The following COG7 variants were observed in gnomAD, a reference collection of about 807,000 sequenced individuals.
COG7 encodes the protein component of oligomeric golgi complex 7.
COG7 carries 49 observed loss-of-function variants against 91.5 expected under a neutral mutation model. That is an observed-to-expected ratio of 0.54 (90% CI 0.43 to 0.68). COG7 has a LOEUF of 0.68. Ranked by LOEUF, COG7 falls within the 30% of genes least tolerant of loss-of-function variation. COG7 has a pLI of 0.00. For missense variants in COG7, 895 were observed against 961.3 expected, an observed-to-expected ratio of 0.93 and a Z score of 0.91; for synonymous variants, 365 against 388.7, an observed-to-expected ratio of 0.94 and a Z score of 0.72.
At chr16:23,440,280 G>C (rs779284360) in intron 4 of COG7, among the ~76,000 whole-genome samples, 14 of 151,270 alleles carry the variant, frequency 9.3e-5, no homozygotes, top group Non-Finnish European at 1.6e-4. Flanking sequence ...ATCCCAGCTA[G>C]TTGGGAGGTA....
chr16:23,428,629 T>C (rs1398956195), intron 6 of COG7, among the ~76,000 whole-genome samples: 1 of 151,486 alleles, frequency 6.6e-6, no homozygotes, highest in Non-Finnish European at 1.5e-5. Flanking sequence ...CAACCAGAAC[T>C]CTCACACACT....
intron 1 of COG7, among the ~76,000 whole-genome samples, chr16:23,448,300 A>G (rs1032802439): frequency 6.6e-6 from 1 of 152,118 alleles, no homozygotes. Flanking sequence ...TTCCCCTACA[A>G]AAGTGTGATT....
intron 10 of COG7, among the ~76,000 whole-genome samples, chr16:23,411,714 GTCTGGGTCTGC>G (rs1326318247): frequency 6.6e-6 from 1 of 152,172 alleles, no homozygotes; most frequent in Non-Finnish European, 1.5e-5. Context: ...CCTTGGGTGG[GTCTGGGTCTGC>G]TCTGGCATGG....
chr16:23,426,907 A>G (rs943193928), intron 6 of COG7, among the ~76,000 whole-genome samples: 12 of 152,110 alleles, frequency 7.9e-5, no homozygotes, highest in Non-Finnish European at 1.5e-4. Flanking sequence ...CACAGATGAC[A>G]TTATTTTATG....
intron 4 of COG7, among the ~76,000 whole-genome samples, chr16:23,438,882 G>A (rs534297366): frequency 1.3e-5 from 2 of 152,170 alleles, no homozygotes; most frequent in African/African-American, 4.8e-5. Flanking sequence ...ATATGGCCGG[G>A]TGTGGTGGCT....
chr16:23,426,837 AGAAAGAAAG>A (rs1446998543), intron 6 of COG7, among the ~76,000 whole-genome samples: 4 of 138,190 alleles, frequency 2.9e-5, no homozygotes, highest in South Asian at 4.6e-4. Flanking sequence ...AAAAAAAAAA[AGAAAGAAAG>A]AAAGAAAGAA....
Position 23,388,745 on chromosome 16 carries a change from C to T in COG7, c.*175G>A. The T allele has an allele frequency of 8.8e-7, 1 of 1,132,938 alleles. No individual in the cohort carries two copies. Among genetic ancestry groups the T allele is most frequent in the Non-Finnish European group, 1.2e-6 (1 of 838,490 alleles). The allele number at this position is 1,132,938 out of a possible 1,614,324, so 70.2% of individuals were successfully genotyped here. A position where few individuals can be genotyped will look rare whatever the true frequency, so the allele number is the denominator to read the frequency against. On this transcript the variant is annotated 3_prime_UTR_variant, in exon 17 of 17. Transcript: ENST00000307149. ...TCGAACTCCTGGCTTCATGATCCAT[C>T]TGGCTTGGCCTCCCAAAGTGCTGGG...
intron 1 of COG7, among the ~76,000 whole-genome samples, chr16:23,448,221 C>T (rs899235814): frequency 2.6e-5 from 4 of 152,156 alleles, no homozygotes; most frequent in Non-Finnish European, 5.9e-5. Flanking sequence ...GCCAAACTCC[C>T]AAGGCTGGCC....
chr16:23,422,115 G>A (rs1442017139), intron 7 of COG7, among the ~76,000 whole-genome samples: 1 of 152,018 alleles, frequency 6.6e-6, no homozygotes, highest in African/African-American at 2.4e-5. Flanking sequence ...TTTGAGATCA[G>A]CCTGAGCAAA....
At chr16:23,392,318 G>A in intron 16 of COG7, 62 bp downstream of exon 16, 1 of 1,611,084 alleles carries the variant, frequency 6.2e-7, no homozygotes, top group Non-Finnish European at 8.5e-7. Context: ...GGGCAAAGGA[G>A]AAACTGACAG....
intron 10 of COG7, chr16:23,412,446 T>A (rs1963579081): frequency 6.6e-6 from 1 of 152,182 alleles, no homozygotes; most frequent in African/African-American, 2.4e-5. Context: ...ATCCACTTGT[T>A]AAAAACTGCA....
intron 13 of COG7, among the ~76,000 whole-genome samples, chr16:23,400,374 C>T (rs1274275303): frequency 1.3e-5 from 2 of 152,012 alleles, no homozygotes; most frequent in Non-Finnish European, 2.9e-5. Flanking sequence ...GGTGGTTTGT[C>T]GGCAAAGAGG....
chr16:23,423,142 G>A (rs1346729108), intron 7 of COG7, among the ~76,000 whole-genome samples: 4 of 151,446 alleles, frequency 2.6e-5, no homozygotes, highest in South Asian at 2.1e-4. Context: ...GAGGCGGGTC[G>A]ATCACCTGAG....
intron 4 of COG7, among the ~76,000 whole-genome samples, chr16:23,441,019 A>T (rs1185395579): frequency 6.6e-6 from 1 of 152,164 alleles, no homozygotes; most frequent in African/African-American, 2.4e-5. Flanking sequence ...GAGCTAATGA[A>T]CAGATAGTTG....
rs759680428 is a variant in COG7 at position 23,398,142 on chromosome 16, C to A, written c.1804-13G>T. 2.4e-5 allele frequency: 38 copies of A among 1,609,892 alleles called. No individual in the cohort carries two copies. The highest frequency in any genetic ancestry group is 3.1e-5 in the Non-Finnish European group (36 of 1,176,386). Reference sequence around the variant, plus strand: ...CCGTATTCCAGCTCTAAGGGTGGAACGAGAGGACACAATCAGTACCTAGCA... The same window carrying A: ...CCGTATTCCAGCTCTAAGGGTGGAAAGAGAGGACACAATCAGTACCTAGCA... On this transcript the variant is annotated splice_polypyrimidine_tract_variant and intron_variant, in intron 13 of 16. Coordinates refer to ENST00000307149, the MANE Select transcript of COG7 (RefSeq NM_153603.4).
intron 13 of COG7, among the ~76,000 whole-genome samples, chr16:23,400,713 T>C (rs1460821407): frequency 6.6e-6 from 1 of 152,192 alleles, no homozygotes; most frequent in Non-Finnish European, 1.5e-5. Context: ...CTCATGCCTC[T>C]AATCCCAGCA....
chr16:23,409,433 C>T (rs1199550491), intron 11 of COG7, among the ~76,000 whole-genome samples: 1 of 152,170 alleles, frequency 6.6e-6, no homozygotes, highest in Non-Finnish European at 1.5e-5. Flanking sequence ...CTGTATTTTC[C>T]TAGCACCCAT....
chr16:23,450,548 C>T (rs972636554), intron 1 of COG7, among the ~76,000 whole-genome samples: 1 of 151,982 alleles, frequency 6.6e-6, no homozygotes, highest in East Asian at 1.9e-4. Flanking sequence ...AGAATAAGGG[C>T]TGGGCGCGGT....
Position 23,388,915 on chromosome 16 carries a change from T to G in COG7, c.*5A>C. 1 of 1,614,006 alleles carries G rather than the reference T, an allele frequency of 6.2e-7. No homozygotes were observed. Among genetic ancestry groups the G allele is most frequent in the Admixed American group, 1.7e-5 (1 of 60,016 alleles). On this transcript the variant is annotated 3_prime_UTR_variant, in exon 17 of 17. Transcript: ENST00000307149. ...GCTCTCTTGGTGGTCCGGTGTGTGG[T>G]GGGGTCAGTAATTCACACTCCGCAT...
Sources: allele counts gnomAD v4.1 joint callset (sites outside exome capture counted in the v4.1 genomes callset), GRCh38; gene constraint gnomAD v4.1.1; transcripts MANE v1.5; gene names NCBI Gene and HGNC (gene_info 2026-07-23, HGNC 2026-07-21).